Variants in NEGR1 observed in about 807,000 individuals in gnomAD.
NEGR1 encodes the protein IgLON family member 4.
Under a neutral mutation model 40.9 loss-of-function variants are expected in NEGR1, and 10 were observed. The ratio of observed to expected loss-of-function variants is 0.24; its 90% CI spans 0.15 to 0.42. The LOEUF (loss-of-function observed/expected upper bound fraction) is 0.42, where lower values mean the gene tolerates loss of function less well. Ranked by LOEUF, NEGR1 falls within the 10% of genes least tolerant of loss-of-function variation. The pLI is 1.00. For synonymous variants in NEGR1, 185 were observed against 166.8 expected, an observed-to-expected ratio of 1.11 and a Z score of -0.84; for missense variants, 352 against 438.9, an observed-to-expected ratio of 0.80 and a Z score of 1.77.
chr1:71,834,886 A>AACACACACACACACAC (rs1330229060), intron 2 of NEGR1, among the ~76,000 whole-genome samples: 2 of 78,168 alleles, frequency 2.6e-5, no homozygotes, highest in Non-Finnish European at 4.7e-5. Context: ...ATTTTAGGAG[A>AACACACACACACACAC]TCACACACAC....
At chr1:71,774,053 T>C (rs903328871) in intron 3 of NEGR1, among the ~76,000 whole-genome samples, 1 of 152,202 alleles carries the variant, frequency 6.6e-6, no homozygotes, top group Non-Finnish European at 1.5e-5. Context: ...GGAAAGATGA[T>C]TAAGAATCAG....
chr1:71,652,289 C>T (rs943136551), intron 4 of NEGR1, among the ~76,000 whole-genome samples: 8 of 152,160 alleles, frequency 5.3e-5, no homozygotes, highest in African/African-American at 9.7e-5. Flanking sequence ...TTTACACTAT[C>T]AATTACTCAG....
chr1:71,684,436 T>TA (rs2101614170), intron 4 of NEGR1, among the ~76,000 whole-genome samples: 1 of 152,332 alleles, frequency 6.6e-6, no homozygotes, highest in African/African-American at 2.4e-5. Context: ...AAGAAGACTT[T>TA]ATATAAACAC....
At chr1:72,085,413 A>G (rs965920181) in intron 1 of NEGR1, among the ~76,000 whole-genome samples, 4 of 152,138 alleles carry the variant, frequency 2.6e-5, no homozygotes, top group African/African-American at 7.2e-5. Flanking sequence ...ATAGCCAATT[A>G]TTGAGTCTGC....
chr1:71,685,234 G>A (rs751636958), intron 4 of NEGR1, among the ~76,000 whole-genome samples: 1 of 151,336 alleles, frequency 6.6e-6, no homozygotes, highest in Non-Finnish European at 1.5e-5. Flanking sequence ...TATGTTTCCT[G>A]CATTCATTTA....
chr1:72,055,983 T>C (rs1445774616), intron 1 of NEGR1, among the ~76,000 whole-genome samples: 1 of 150,756 alleles, frequency 6.6e-6, no homozygotes, highest in Non-Finnish European at 1.5e-5. Flanking sequence ...ATTCCTAAAA[T>C]TCTGGTATTA....
At chr1:72,065,189 T>C (rs2100500571) in intron 1 of NEGR1, among the ~76,000 whole-genome samples, 1 of 152,242 alleles carries the variant, frequency 6.6e-6, no homozygotes, top group Non-Finnish European at 1.5e-5. Flanking sequence ...TGGACATCTT[T>C]ATTCATATGT....
At chr1:71,502,165 C>T (rs1004128266) in intron 6 of NEGR1, among the ~76,000 whole-genome samples, 1 of 152,030 alleles carries the variant, frequency 6.6e-6, no homozygotes, top group East Asian at 1.9e-4. Context: ...GCTCATGCAC[C>T]CAGAAGGTCA....
intron 4 of NEGR1, among the ~76,000 whole-genome samples, chr1:71,650,492 C>CA (rs1242416870): frequency 6.6e-6 from 1 of 152,126 alleles, no homozygotes; most frequent in Non-Finnish European, 1.5e-5. Context: ...GATATAAATG[C>CA]AAAAATGACC....
At chr1:71,694,204 T>C (rs1473653637) in intron 4 of NEGR1, among the ~76,000 whole-genome samples, 1 of 151,694 alleles carries the variant, frequency 6.6e-6, no homozygotes, top group East Asian at 1.9e-4. Flanking sequence ...CTACATTCAC[T>C]AGCTCCCTTT....
chr1:71,434,662 T>C (rs554317280), intron 6 of NEGR1, among the ~76,000 whole-genome samples: 1 of 152,306 alleles, frequency 6.6e-6, no homozygotes, highest in South Asian at 2.1e-4. Context: ...GTCCAAGAAG[T>C]AAACAAAAGT....
At chr1:72,185,779 A>G (rs1319588208) in intron 1 of NEGR1, among the ~76,000 whole-genome samples, 1 of 151,820 alleles carries the variant, frequency 6.6e-6, no homozygotes, top group East Asian at 1.9e-4. Context: ...GCTCAGGTCT[A>G]TAACAAATGT....
chr1:71,780,879 C>T (rs17091749), intron 2 of NEGR1, among the ~76,000 whole-genome samples: 4,534 of 152,220 alleles, frequency 0.03, 221 homozygotes, highest in African/African-American at 0.1. Context: ...CTCTTCTGAG[C>T]CCATCTGTGG....
rs576494169 is a variant in NEGR1 at position 71,994,299 on chromosome 1, C to T, written c.177-58988G>A. 3.3e-5 allele frequency among the ~76,000 whole-genome samples: 5 copies of T among 152,094 alleles called. No homozygotes were observed. The South Asian group carries it at 8.3e-4, about 25-fold the overall frequency. ...ATCCCAGCACTTTGGGAGGCCGAGG[C>T]GGGTGGATCATGAGGTCAGGCAATG... On this transcript the variant is annotated intron_variant, in intron 1 of 6. Coordinates refer to ENST00000357731, the MANE Select transcript of NEGR1 (RefSeq NM_173808.3).
rs1312535582 is a variant in NEGR1, at chr1:72,118,061, A to C, written c.176+164258T>G. On this transcript the variant is annotated intron_variant, in intron 1 of 6. Transcript: ENST00000357731. ...ACTACTGTGTTCCTTCTACTTCTCA[A>C]AGCTAGATATAATTTTTGGGGACAA... is the stretch of plus-strand genomic sequence containing the variant. 2.0e-5 allele frequency among the ~76,000 whole-genome samples: 3 copies of C among 151,830 alleles called. No homozygotes were observed. In the South Asian group the frequency reaches 6.2e-4, roughly 31 times the overall value.
At chr1:72,042,799 G>A (rs1214909074) in intron 1 of NEGR1, among the ~76,000 whole-genome samples, 1 of 151,936 alleles carries the variant, frequency 6.6e-6, no homozygotes, top group Non-Finnish European at 1.5e-5. Context: ...GATGATTTCT[G>A]ACTAAATATT....
chr1:72,226,634 C>A (rs1165494204), intron 1 of NEGR1, among the ~76,000 whole-genome samples: 1 of 151,990 alleles, frequency 6.6e-6, no homozygotes, highest in African/African-American at 2.4e-5. Flanking sequence ...ATAACCATCA[C>A]TTACAGCTAT....
At chr1:71,739,082 G>A (rs1655127197) in intron 3 of NEGR1, among the ~76,000 whole-genome samples, 1 of 151,708 alleles carries the variant, frequency 6.6e-6, no homozygotes, top group Non-Finnish European at 1.5e-5. Context: ...GTGTGTGTAA[G>A]CCTGTTGCCA....
chr1:71,777,312 A>C (rs1570332760), intron 2 of NEGR1, among the ~76,000 whole-genome samples: 1 of 152,108 alleles, frequency 6.6e-6, no homozygotes, highest in Non-Finnish European at 1.5e-5. Flanking sequence ...AGACTAAGTA[A>C]GTCACTACAT....
Sources: allele counts gnomAD v4.1 joint callset (sites outside exome capture counted in the v4.1 genomes callset), GRCh38; gene constraint gnomAD v4.1.1; transcripts MANE v1.5; gene names NCBI Gene and HGNC (gene_info 2026-07-23, HGNC 2026-07-21).